The following LRRK1 variants were observed in gnomAD, a reference collection of about 807,000 sequenced individuals.
LRRK1 encodes leucine rich repeat kinase 1.
LRRK1 carries 113 observed loss-of-function variants against 209.1 expected under a neutral mutation model. That is an observed-to-expected ratio of 0.54 (90% CI 0.46 to 0.63). The LOEUF (loss-of-function observed/expected upper bound fraction) is 0.63, where lower values mean the gene tolerates loss of function less well. Among genes scored for constraint, LRRK1 ranks in the 30% least tolerant of loss-of-function variants. The pLI is 0.00. For missense variants in LRRK1, 2,284 were observed against 2,632.2 expected (o/e 0.87, Z 2.89); for synonymous variants, 1,144 against 1,099.7 (o/e 1.04, Z -0.80).
chr15:100,923,158 C>A (rs543355129), intron 1 of LRRK1, among the ~76,000 whole-genome samples: 2 of 152,302 alleles, frequency 1.3e-5, no homozygotes, highest in East Asian at 3.9e-4. Context: ...CCAGCCCTGT[C>A]GTAGAGAGAG....
chr15:100,973,255 C>T (rs7166631), intron 2 of LRRK1, among the ~76,000 whole-genome samples: 2 of 152,206 alleles, frequency 1.3e-5, no homozygotes, highest in Non-Finnish European at 2.9e-5. Context: ...CAGCGCGACC[C>T]GAGGCCCGGT....
At chr15:101,039,515 T>C (rs1322318761) in intron 20 of LRRK1, among the ~76,000 whole-genome samples, 1 of 152,250 alleles carries the variant, frequency 6.6e-6, no homozygotes, top group Non-Finnish European at 1.5e-5. Context: ...TTTCTAAGTA[T>C]GCTTCTTTTT....
At chr15:100,976,434 A>T (rs2031296910) in intron 3 of LRRK1, among the ~76,000 whole-genome samples, 1 of 152,254 alleles carries the variant, frequency 6.6e-6, no homozygotes, top group East Asian at 1.9e-4. Flanking sequence ...AAAGTTATTC[A>T]ACTTCGTTAA....
chr15:101,035,021 T>C (rs1168990025), intron 20 of LRRK1, among the ~76,000 whole-genome samples: 1 of 152,130 alleles, frequency 6.6e-6, no homozygotes, highest in Non-Finnish European at 1.5e-5. Flanking sequence ...TCAATTTTGT[T>C]TATCTTTTTG....
chr15:101,010,850 C>G lies in LRRK1; in HGVS notation c.1281+13C>G. On this transcript the variant is annotated intron_variant, in intron 9 of 33. Coordinates refer to ENST00000388948, the MANE Select transcript of LRRK1 (RefSeq NM_024652.6). ...GGCCTGCCCTTTGGTGAGTATCACA[C>G]CAAAAGTCATGAAAGCCACAGTCAA... 6.2e-7 allele frequency: 1 copy of G among 1,602,798 alleles called. No individual in the cohort carries two copies. The highest frequency in any genetic ancestry group is 1.1e-5 in the South Asian group (1 of 88,694).
chr15:101,050,779 C>T lies in LRRK1; in HGVS notation c.3440-932C>T, dbSNP rs1023750994. On this transcript the variant is annotated intron_variant, in intron 23 of 33. Coordinates refer to ENST00000388948, the MANE Select transcript of LRRK1 (RefSeq NM_024652.6). ...TTCACACTGTTGGCAGGAAGGGTGA[C>T]CTACAAGGAAAAAAGGCTTAGAAAG... 5.3e-5 allele frequency: 8 copies of T among 152,288 alleles called. 1 individual carries two copies. The highest frequency in any genetic ancestry group is 3.3e-4 in the Admixed American group (5 of 15,276). 9.4% of individuals were successfully genotyped at this position (152,288 alleles called of 1,614,324 possible). A position where few individuals can be genotyped will look rare whatever the true frequency, so the allele number is the denominator to read the frequency against.
At chr15:100,944,220 G>A (rs114061567) in intron 2 of LRRK1, among the ~76,000 whole-genome samples, 4,514 of 152,226 alleles carry the variant, frequency 0.03, 214 homozygotes, top group African/African-American at 0.1. Context: ...GCCAGAGCTT[G>A]TACTAAATGG....
At chr15:100,924,971 T>A (rs1322581390) in intron 2 of LRRK1, among the ~76,000 whole-genome samples, 1 of 152,118 alleles carries the variant, frequency 6.6e-6, no homozygotes, top group East Asian at 1.9e-4. Flanking sequence ...TCATGCTGGG[T>A]TAAAGAACTT....
At chr15:101,066,382 A>C (rs926565125) in intron 32 of LRRK1, among the ~76,000 whole-genome samples, 177 bp downstream of exon 32, 1 of 152,232 alleles carries the variant, frequency 6.6e-6, no homozygotes, top group Non-Finnish European at 1.5e-5. Flanking sequence ...AGCAAATCTA[A>C]GAGTGGCCGC....
chr15:100,953,979 A>T (rs547827018), intron 2 of LRRK1, among the ~76,000 whole-genome samples: 5 of 152,148 alleles, frequency 3.3e-5, no homozygotes. Flanking sequence ...GCAGTGGCAC[A>T]ATCTCGGCTC....
At chr15:100,962,235 T>A (rs1284642667) in intron 2 of LRRK1, among the ~76,000 whole-genome samples, 2 of 152,136 alleles carry the variant, frequency 1.3e-5, no homozygotes, top group African/African-American at 2.4e-5. Context: ...ATAGAAATAT[T>A]TTTAAAACTC....
chr15:100,940,850 T>C (rs555875252), intron 2 of LRRK1, among the ~76,000 whole-genome samples: 1 of 152,340 alleles, frequency 6.6e-6, no homozygotes, highest in East Asian at 1.9e-4. Flanking sequence ...AAAGCTGTCT[T>C]ATCTCAGTGA....
chr15:101,021,100 C>T lies in LRRK1; in HGVS notation c.1657C>T (p.Leu553Phe), dbSNP rs759169632. 9.3e-6 allele frequency: 15 copies of T among 1,614,044 alleles called. No individual in the cohort carries two copies. The Admixed American group carries it at 1.5e-4, about 16-fold the overall frequency. The change falls in exon 13 of 34, where the codon CTT becomes TTT. Residue 553 changes from leucine to phenylalanine, a missense_variant. By Grantham distance (22) the Leu-to-Phe change is conservative (BLOSUM62 0). This residue lies in a region of LRRK1 where 494 missense variants were observed against 522.1 expected (regional missense o/e 0.95). Transcript: ENST00000388948. ...PAFLSESLEVLCLNDNHLDTV... is the reference protein window; with the variant it reads ...PAFLSESLEVFCLNDNHLDTV... ...CTTCCTAAGTGAGTCTTTGGAAGTCCTTTGCCTGAACGACAACCACCTCGA... is the reference window on the plus strand; with the variant it reads ...CTTCCTAAGTGAGTCTTTGGAAGTCTTTTGCCTGAACGACAACCACCTCGA...
At chr15:100,945,926 C>A (rs1160565712) in intron 2 of LRRK1, among the ~76,000 whole-genome samples, 1 of 152,074 alleles carries the variant, frequency 6.6e-6, no homozygotes, top group East Asian at 1.9e-4. Flanking sequence ...TATCTAAGAA[C>A]ACAGAAAACT....
At chr15:100,940,274 A>T (rs972168618) in intron 2 of LRRK1, among the ~76,000 whole-genome samples, 2 of 151,120 alleles carry the variant, frequency 1.3e-5, no homozygotes, top group East Asian at 1.9e-4. Flanking sequence ...CTAGTCCTTC[A>T]TTCTTCTTTT....
At chr15:101,017,313 G>A (rs576416459) in intron 12 of LRRK1, among the ~76,000 whole-genome samples, 1 of 152,302 alleles carries the variant, frequency 6.6e-6, no homozygotes, top group Admixed American at 6.5e-5. Context: ...TGTGTGTTGA[G>A]TATGATACAC....
chr15:101,015,099 A>T (rs935272726), intron 11 of LRRK1, among the ~76,000 whole-genome samples: 10 of 152,140 alleles, frequency 6.6e-5, no homozygotes, highest in Non-Finnish European at 1.3e-4. Context: ...GCAGAAGGCC[A>T]CTTCTGCAGT....
chr15:100,999,063 A>G (rs2032565920), intron 6 of LRRK1, among the ~76,000 whole-genome samples: 1 of 152,184 alleles, frequency 6.6e-6, no homozygotes, highest in African/African-American at 2.4e-5. Context: ...CTTTATTTAC[A>G]AGTTGAGAAA....
At chr15:101,056,801 T>G (rs576934613) in intron 27 of LRRK1, 55 bp from the exon 28 acceptor site, 2 of 1,454,046 alleles carry the variant, frequency 1.4e-6, no homozygotes, top group Non-Finnish European at 1.9e-6. Flanking sequence ...GAGGGCCACC[T>G]TGTGAAGGCC....
Sources: allele counts gnomAD v4.1 joint callset (sites outside exome capture counted in the v4.1 genomes callset), GRCh38; gene constraint gnomAD v4.1.1; regional missense constraint gnomAD v4.1.1; transcripts MANE v1.5; gene names NCBI Gene and HGNC (gene_info 2026-07-23, HGNC 2026-07-21).